The following GPC3 variants were observed in gnomAD, a reference collection of about 807,000 sequenced individuals.
The protein encoded by GPC3 is glypican 3, also known as glypican-3.
A neutral mutation model predicts 34.4 loss-of-function variants in GPC3; 3 were observed. The ratio of observed to expected loss-of-function variants is 0.09; its 90% confidence interval spans 0.04 to 0.23. The LOEUF is 0.23. Among genes scored for constraint, GPC3 ranks in the 10% least tolerant of loss-of-function variants. The probability of loss-of-function intolerance (pLI) is 1.00; values close to 1 mark genes in which losing one functional copy is unlikely to be tolerated. For synonymous variants in GPC3, 177 were observed against 174.0 expected, an observed-to-expected ratio of 1.02 and a Z score of -0.13; for missense variants, 351 against 445.6, an observed-to-expected ratio of 0.79 and a Z score of 1.91.
chrX:133,623,362 G>A (rs781452172), intron 6 of GPC3, among the ~76,000 whole-genome samples: 4 of 111,951 alleles, frequency 3.6e-5, no homozygotes. Context: ...GACGCAGACT[G>A]GCAAATTGGA....
rs995058278 is a variant in GPC3, at chrX:133,596,518, C to T, written c.1495G>A (p.Gly499Ser). 3.3e-6 allele frequency: 4 copies of T among 1,203,599 alleles called. No individual in the cohort carries two copies. The highest frequency in any genetic ancestry group is 4.5e-6 in the Non-Finnish European group (4 of 889,644). ...CCAATGCACTCATCTTCATCATCAC[C>T]GCAGTCTCCACTTTCAAACCCTTCC... is the stretch of plus-strand genomic sequence containing the variant. ...DEEGFESGDC[G>S]DDEDECIGGS... The change falls in exon 7 of 8, where the codon GGT (glycine) becomes AGT (serine). Residue 499 changes from glycine to serine, a missense_variant. Physicochemically the swap from Gly to Ser is moderately conservative, Grantham distance 56 (BLOSUM62 0). Transcript: ENST00000370818.
chrX:133,852,114 C>T (rs758877233), intron 2 of GPC3, among the ~76,000 whole-genome samples: 2 of 109,331 alleles, frequency 1.8e-5, no homozygotes, highest in African/African-American at 6.5e-5. Context: ...CTGTATTTTG[C>T]AAACTTTTCT....
intron 4 of GPC3, among the ~76,000 whole-genome samples, chrX:133,696,875 C>T (rs746470399): frequency 4.4e-5 from 5 of 112,552 alleles, no homozygotes; most frequent in Admixed American, 1.9e-4. Flanking sequence ...CATTTGCTTA[C>T]GACAGCCTGC....
intron 5 of GPC3, among the ~76,000 whole-genome samples, chrX:133,665,374 TA>T (rs1243518840): frequency 8.9e-6 from 1 of 111,848 alleles, no homozygotes; most frequent in Non-Finnish European, 1.9e-5. Flanking sequence ...TCTTTATTAC[TA>T]AAAATTTCAC....
At chrX:133,921,406 T>C (rs917564430) in intron 2 of GPC3, among the ~76,000 whole-genome samples, 1 of 112,008 alleles carries the variant, frequency 8.9e-6, no homozygotes, top group Non-Finnish European at 1.9e-5. Flanking sequence ...GGAGCTACAA[T>C]CAGTAACCCC....
intron 2 of GPC3, among the ~76,000 whole-genome samples, chrX:133,798,803 A>G (rs1569435383): frequency 8.9e-6 from 1 of 111,848 alleles, no homozygotes; most frequent in East Asian, 2.8e-4. Context: ...AACTTGGGTA[A>G]GAATAAGTCT....
intron 1 of GPC3, among the ~76,000 whole-genome samples, chrX:133,982,065 G>C (rs1305988703): frequency 8.9e-6 from 1 of 111,947 alleles, no homozygotes; most frequent in Non-Finnish European, 1.9e-5. Context: ...TTTTTGTTTA[G>C]AGGAATTTTT....
intron 2 of GPC3, among the ~76,000 whole-genome samples, chrX:133,859,325 G>A (rs1482935928): frequency 9.0e-6 from 1 of 110,825 alleles, no homozygotes; most frequent in Non-Finnish European, 1.9e-5. Context: ...TTCCTGGAGA[G>A]GACTTCCTAA....
At chrX:133,979,421 AT>A (rs2076529097) in intron 1 of GPC3, among the ~76,000 whole-genome samples, 2 of 112,062 alleles carry the variant, frequency 1.8e-5, no homozygotes, top group Non-Finnish European at 1.9e-5. Flanking sequence ...ATCTTGATTC[AT>A]TTTTTTAAAT....
chrX:133,595,073 A>C (rs777922765), intron 7 of GPC3, among the ~76,000 whole-genome samples: 2 of 110,770 alleles, frequency 1.8e-5, no homozygotes, highest in East Asian at 5.7e-4. Context: ...AGGAAGAAAA[A>C]GTCAAAAGAG....
At chrX:133,887,562 T>C (rs2076067048) in intron 2 of GPC3, among the ~76,000 whole-genome samples, 1 of 112,186 alleles carries the variant, frequency 8.9e-6, no homozygotes, top group Admixed American at 9.5e-5. Context: ...GTTCCTCATA[T>C]ACTCTGGATA....
At chrX:133,880,945 G>A (rs1342257837) in intron 2 of GPC3, among the ~76,000 whole-genome samples, 1 of 111,785 alleles carries the variant, frequency 8.9e-6, no homozygotes, top group Non-Finnish European at 1.9e-5. Flanking sequence ...AACATAGCCA[G>A]TTGTTTAGAA....
At chrX:133,570,875 G>A (rs1243242868) in intron 7 of GPC3, among the ~76,000 whole-genome samples, 1 of 111,016 alleles carries the variant, frequency 9.0e-6, no homozygotes, top group Non-Finnish European at 1.9e-5. Flanking sequence ...TGGATTTTAA[G>A]AGTGCTCATA....
In GPC3 at chrX:133,723,921, C is replaced by T. The variant is rs750453396; in HGVS notation, c.1033-23893G>A. Among the ~76,000 whole-genome samples, 9 of 112,355 alleles carry T rather than the reference C, an allele frequency of 8.0e-5. No homozygotes were observed. The South Asian group carries it at 3.4e-3, about 42-fold the overall frequency. On this transcript the variant is annotated intron_variant, in intron 3 of 7. Transcript: ENST00000370818. The stretch of plus-strand genomic sequence containing the variant: ...ATTAGTGTGAATAATCAAGAGATAG[C>T]TGTTTTATTGCTGTGCAGAAGGAAC...
chrX:133,589,794 C>T (rs749159263), intron 7 of GPC3, among the ~76,000 whole-genome samples: 43 of 111,680 alleles, frequency 3.9e-4, no homozygotes, highest in Non-Finnish European at 6.8e-4. Context: ...CTAATACAAT[C>T]GGTTTAAGCC....
At chrX:133,637,940 GTCACATTA>G (rs1169958555) in intron 6 of GPC3, among the ~76,000 whole-genome samples, 1 of 111,523 alleles carries the variant, frequency 9.0e-6, no homozygotes, top group Non-Finnish European at 1.9e-5. Context: ...ACCGTGCCTG[GTCACATTA>G]TCTTTTAAAT....
chrX:133,983,862 C>T (rs2076552332), intron 1 of GPC3, among the ~76,000 whole-genome samples: 2 of 111,922 alleles, frequency 1.8e-5, no homozygotes, highest in South Asian at 7.5e-4. Flanking sequence ...GTAGTTCGAC[C>T]CTCCCTTAGA....
chrX:133,886,073 G>T (rs757834407), intron 2 of GPC3, among the ~76,000 whole-genome samples: 2 of 111,529 alleles, frequency 1.8e-5, no homozygotes, highest in South Asian at 7.6e-4. Context: ...CATATGGAAA[G>T]GATTACTTTA....
chrX:133,570,453 G>A (rs1249341531), intron 7 of GPC3, among the ~76,000 whole-genome samples: 2 of 112,105 alleles, frequency 1.8e-5, no homozygotes, highest in African/African-American at 3.2e-5. Flanking sequence ...CGCCTGCCTC[G>A]GCCTCCCAAA....
Sources: allele counts gnomAD v4.1 joint callset (sites outside exome capture counted in the v4.1 genomes callset), GRCh38; gene constraint gnomAD v4.1.1; transcripts MANE v1.5; gene names NCBI Gene and HGNC (gene_info 2026-07-23, HGNC 2026-07-21).